ABCF1: variants seen among roughly 807,000 people sequenced by gnomAD.
ABCF1 encodes the protein ATP binding cassette subfamily F member 1.
Under a neutral mutation model 126.3 loss-of-function variants are expected in ABCF1, and 73 were observed. The ratio of observed to expected loss-of-function variants is 0.58; its 90% CI spans 0.48 to 0.70. The LOEUF is 0.70. Ranked by LOEUF, ABCF1 falls within the 30% of genes least tolerant of loss-of-function variation. ABCF1 has a pLI of 0.00. For missense variants in ABCF1, 786 were observed against 1,057.5 expected, an observed-to-expected ratio of 0.74 and a Z score of 3.56; for synonymous variants, 345 against 396.4, an observed-to-expected ratio of 0.87 and a Z score of 1.54.
In ABCF1 at chr6:30,577,612, G is replaced by T. The variant is rs150430055; in HGVS notation, c.120+157G>T. ...GGTGGCTTACACCTGTAATCCCAGC[G>T]CTTAGGGAGGCAGAGGTGGGAGGAT... is the stretch of plus-strand genomic sequence containing the variant. On this transcript the variant is annotated intron_variant, in intron 2 of 24. Transcript: ENST00000326195. 2.0e-3 allele frequency among the ~76,000 whole-genome samples: 300 copies of T among 152,100 alleles called. No individual in the cohort carries two copies. Among genetic ancestry groups the T allele is most frequent in the African/African-American group, 6.5e-3 (271 of 41,494 alleles).
In ABCF1 at chr6:30,590,794, C is replaced by T; in HGVS notation, c.*93C>T. ...TCCTCTGAAGACTGCCTCTGGCCTG[C>T]AGCTGACCTGGCAACCATTCAGGCA... is the stretch of plus-strand genomic sequence containing the variant. On this transcript the variant is annotated 3_prime_UTR_variant, in exon 25 of 25. Transcript: ENST00000326195. 7.1e-7 allele frequency: 1 copy of T among 1,414,448 alleles called. No homozygotes were observed. The highest frequency in any genetic ancestry group is 9.5e-7 in the Non-Finnish European group (1 of 1,048,836). 87.6% of individuals were successfully genotyped at this position (1,414,448 alleles called of 1,614,324 possible). A position where few individuals can be genotyped will look rare whatever the true frequency, so the allele number is the denominator to read the frequency against.
At position 30,586,703 on chromosome 6, in the gene ABCF1, C is replaced by A; in HGVS notation, c.2023C>A (p.Leu675Met). ...GCTACTCCTGCTGCTGACTGGCAAG[C>A]TGACACCGGTGAGTCCTGGAGCCAA... is the stretch of plus-strand genomic sequence containing the variant. Reference protein sequence around the residue: ...STLLLLLTGKLTPTHGEMRKN... With the variant: ...STLLLLLTGKMTPTHGEMRKN... The change falls in exon 20 of 25, where the codon CTG becomes ATG. Residue 675 changes from leucine to methionine, a missense_variant. Transcript: ENST00000326195. This position sits in a 1 kb window ranked among gnomAD's most constrained non-coding sequence, Gnocchi z 4.9. 6.2e-7 allele frequency: 1 copy of A among 1,613,842 alleles called. No individual in the cohort carries two copies. The highest frequency in any genetic ancestry group is 1.1e-5 in the South Asian group (1 of 91,078).
At chr6:30,575,095 A>T in intron 1 of ABCF1, among the ~76,000 whole-genome samples, 1 of 131,594 alleles carries the variant, frequency 7.6e-6, no homozygotes, top group African/African-American at 3.3e-5. Flanking sequence ...TTTTTGAGAC[A>T]GTCTCGCTGT....
rs1801722156 is a variant in ABCF1 at position 30,579,976 on chromosome 6, A to C, written c.535A>C (p.Lys179Gln). ...QQPALKGKKG[K>Q]EEKSKGKAKP... ...GCCTGCACTCAAGGGCAAAAAGGGA[A>C]AGGAAGAGAAGTCAAAAGGGAAGGC... The change falls in exon 7 of 25, where the codon AAG becomes CAG. Residue 179 changes from lysine (K) to glutamine (Q), a missense_variant. Physicochemically the swap from Lys to Gln is moderately conservative, Grantham distance 53. Around this residue, in one of 4 missense-constraint regions of ABCF1, gnomAD observed 322 missense variants for 322.9 expected, o/e 1.00. Transcript: ENST00000326195. 1 of 1,612,662 alleles carries C rather than the reference A, an allele frequency of 6.2e-7. No individual in the cohort carries two copies. The highest frequency in any genetic ancestry group is 1.7e-5 in the Admixed American group (1 of 59,966).
intron 14 of ABCF1, 134 bp from the exon 15 acceptor site, chr6:30,585,126 G>C: frequency 2.5e-6 from 2 of 811,722 alleles, no homozygotes; most frequent in Non-Finnish European, 4.2e-6. Flanking sequence ...ACCGTATCCT[G>C]CCCGAGAACT....
Position 30,583,880 on chromosome 6 carries a change from G to C in ABCF1, c.1092G>C (p.Leu364=). 1.2e-6 allele frequency: 2 copies of C among 1,613,940 alleles called. No homozygotes were observed. Among genetic ancestry groups the C allele is most frequent in the Non-Finnish European group, 1.7e-6 (2 of 1,179,960 alleles). Residue 364 remains leucine, a synonymous_variant, in exon 12 of 25, where the codon CTG becomes CTC. Transcript: ENST00000326195. This position sits in a 1 kb window ranked among gnomAD's most constrained non-coding sequence, Gnocchi z 4.1. The part of the protein sequence containing the change: ...LSIPPNIDVL[L]CEQEVVADET... ...TCCCTCCCAACATTGATGTGTTGCTGTGTGAGCAGGGTGAGACCACTGGGG... is the reference window on the plus strand; with the variant it reads ...TCCCTCCCAACATTGATGTGTTGCTCTGTGAGCAGGGTGAGACCACTGGGG...
Position 30,584,054 on chromosome 6 carries a change from G to T in ABCF1, c.1103-138G>T. On this transcript the variant is annotated intron_variant, in intron 12 of 24. Coordinates refer to ENST00000326195, the MANE Select transcript of ABCF1 (RefSeq NM_001025091.2). This position sits in a 1 kb window ranked among gnomAD's most constrained non-coding sequence, Gnocchi z 4.6. ...AAGGAAAGGAGGGGAGGGTCAATGA[G>T]GAACTTGAGAGTGTTTTATTTGGAA... 1 of 1,415,132 alleles carries T rather than the reference G, an allele frequency of 7.1e-7. No homozygotes were observed. The highest frequency in any genetic ancestry group is 9.6e-7 in the Non-Finnish European group (1 of 1,042,834). The allele number at this position is 1,415,132 out of a possible 1,614,324, so 87.7% of individuals were successfully genotyped here. A position where few individuals can be genotyped will look rare whatever the true frequency, so the allele number is the denominator to read the frequency against.
intron 20 of ABCF1, among the ~76,000 whole-genome samples, chr6:30,588,253 A>C (rs1008808908): frequency 3.3e-5 from 5 of 152,150 alleles, no homozygotes; most frequent in Non-Finnish European, 5.9e-5. Context: ...TTTTCTTTGC[A>C]AATGTGCATA....
Position 30,583,126 on chromosome 6 carries a change from T to G in ABCF1, c.853T>G (p.Ser285Ala). ...KAANAAENDFSVSQAEMSSRQ... is the reference protein window; with the variant it reads ...KAANAAENDFAVSQAEMSSRQ... ...AGCCAATGCAGCTGAAAATGACTTC[T>G]CCGTGTCCCAGGCGGAGATGTCCTC... Residue 285 changes from serine (S) to alanine (A), a missense_variant, in exon 10 of 25, where the codon TCC becomes GCC. This residue lies in a region of ABCF1 where 163 missense variants were observed against 255.3 expected (regional missense o/e 0.64). Transcript: ENST00000326195. The surrounding 1 kb of genome is among the most constrained non-coding windows in gnomAD (Gnocchi z 4.1). The G allele has an allele frequency of 6.2e-7, 1 of 1,611,662 alleles. No homozygotes were observed. Among genetic ancestry groups the G allele is most frequent in the Non-Finnish European group, 8.5e-7 (1 of 1,178,850 alleles).
Position 30,583,726 on chromosome 6 carries a change from C to T in ABCF1, c.1016+18C>T. On this transcript the variant is annotated intron_variant, in intron 11 of 24. Coordinates refer to ENST00000326195, the MANE Select transcript of ABCF1 (RefSeq NM_001025091.2). The surrounding 1 kb of genome is among the most constrained non-coding windows in gnomAD (Gnocchi z 4.1). ...CCCAATGGGTGAGAAGAGGAGGGAG[C>T]TGGAGGCAAAAAAGGGCCTGGAGGG... 6.2e-7 allele frequency: 1 copy of T among 1,613,490 alleles called. No individual in the cohort carries two copies. The highest frequency in any genetic ancestry group is 8.5e-7 in the Non-Finnish European group (1 of 1,179,668).
chr6:30,584,067 G>A lies in ABCF1; in HGVS notation c.1103-125G>A. On this transcript the variant is annotated intron_variant, in intron 12 of 24. Coordinates refer to ENST00000326195, the MANE Select transcript of ABCF1 (RefSeq NM_001025091.2). This position sits in a 1 kb window ranked among gnomAD's most constrained non-coding sequence, Gnocchi z 4.6. ...GAGGGTCAATGAGGAACTTGAGAGT[G>A]TTTTATTTGGAACAAGTACAAAGAG... The A allele has an allele frequency of 6.9e-7, 1 of 1,446,192 alleles. No individual in the cohort carries two copies. Among genetic ancestry groups the A allele is most frequent in the South Asian group, 1.3e-5 (1 of 75,818 alleles). The allele number at this position is 1,446,192 out of a possible 1,614,324, so 89.6% of individuals were successfully genotyped here. A position where few individuals can be genotyped will look rare whatever the true frequency, so the allele number is the denominator to read the frequency against.
In ABCF1 at chr6:30,583,597, G is replaced by A. The variant is rs775364286; in HGVS notation, c.916-11G>A. 6.2e-7 allele frequency: 1 copy of A among 1,613,828 alleles called. No homozygotes were observed. Among genetic ancestry groups the A allele is most frequent in the Non-Finnish European group, 8.5e-7 (1 of 1,179,730 alleles). ...CCCTTCCCTCTGCCACCTCTTTCCT[G>A]ATGGCTGCAGCTGGAGAAGTTCAGC... is the stretch of plus-strand genomic sequence containing the variant. On this transcript the variant is annotated splice_polypyrimidine_tract_variant and intron_variant, in intron 10 of 24. Transcript: ENST00000326195. The surrounding 1 kb of genome is among the most constrained non-coding windows in gnomAD (Gnocchi z 4.1).
At position 30,583,315 on chromosome 6, in the gene ABCF1, A is replaced by C; in HGVS notation, c.915+127A>C. ...GGAAGAAAGATTGGAGGCATTTTCCACACCTTAGGTTCTGCCAACTTGAGC... is the reference window on the plus strand; with the variant it reads ...GGAAGAAAGATTGGAGGCATTTTCCCCACCTTAGGTTCTGCCAACTTGAGC... On this transcript the variant is annotated intron_variant, in intron 10 of 24. Transcript: ENST00000326195. This position sits in a 1 kb window ranked among gnomAD's most constrained non-coding sequence, Gnocchi z 4.1. The C allele has an allele frequency of 4.5e-6, 6 of 1,338,132 alleles. No individual in the cohort carries two copies. The highest frequency in any genetic ancestry group is 6.1e-6 in the Non-Finnish European group (6 of 980,808). The allele number at this position is 1,338,132 out of a possible 1,614,324, so 82.9% of individuals were successfully genotyped here.
chr6:30,582,818 C>T (rs1801894174), intron 9 of ABCF1, among the ~76,000 whole-genome samples: 1 of 152,174 alleles, frequency 6.6e-6, no homozygotes, highest in Non-Finnish European at 1.5e-5. Context: ...CTCAGCCTCC[C>T]GAATAGCTGA....
intron 20 of ABCF1, among the ~76,000 whole-genome samples, chr6:30,587,139 G>C (rs1289123811): frequency 6.6e-6 from 1 of 151,950 alleles, no homozygotes; most frequent in Non-Finnish European, 1.5e-5. Context: ...CTATATCCTA[G>C]CTACTCAGGA....
chr6:30,580,666 CGTTTGT>C (rs1801771248), intron 8 of ABCF1, 147 bp downstream of exon 8: 9 of 532,344 alleles, frequency 1.7e-5, no homozygotes, highest in Non-Finnish European at 2.8e-5. Context: ...GGTGGTGGTT[CGTTTGT>C]TTTTGTTTTT....
Position 30,583,291 on chromosome 6 carries a change from G to A in ABCF1, c.915+103G>A, listed in dbSNP as rs1486111380. The A allele has an allele frequency of 2.3e-5, 34 of 1,455,994 alleles. No individual in the cohort carries two copies. Among genetic ancestry groups the A allele is most frequent in the Non-Finnish European group, 3.1e-5 (33 of 1,080,646 alleles). The allele number at this position is 1,455,994 out of a possible 1,614,324, so 90.2% of individuals were successfully genotyped here. Reference sequence around the variant, plus strand: ...GTGTGTGAATGGGTTAGTTCAGTGGGAAGAAAGATTGGAGGCATTTTCCAC... The same window carrying A: ...GTGTGTGAATGGGTTAGTTCAGTGGAAAGAAAGATTGGAGGCATTTTCCAC... On this transcript the variant is annotated intron_variant, in intron 10 of 24. Coordinates refer to ENST00000326195, the MANE Select transcript of ABCF1 (RefSeq NM_001025091.2). This position sits in a 1 kb window ranked among gnomAD's most constrained non-coding sequence, Gnocchi z 4.1.
In ABCF1 at chr6:30,584,121, T is replaced by G. The variant is rs2127413402; in HGVS notation, c.1103-71T>G. ...GGCAGGGTCAGGCAAAACAGAAATG[T>G]AATTGAAGGGAAAGAAAGATGAGAC... On this transcript the variant is annotated intron_variant, in intron 12 of 24. Coordinates refer to ENST00000326195, the MANE Select transcript of ABCF1 (RefSeq NM_001025091.2). The surrounding 1 kb of genome is among the most constrained non-coding windows in gnomAD (Gnocchi z 4.6). The G allele has an allele frequency of 6.4e-7, 1 of 1,556,356 alleles. No homozygotes were observed. The highest frequency in any genetic ancestry group is 2.2e-5 in the East Asian group (1 of 44,472).
chr6:30,580,537 G>T lies in ABCF1; in HGVS notation c.678+18G>T. The T allele has an allele frequency of 6.9e-7, 1 of 1,443,586 alleles. No homozygotes were observed. Among genetic ancestry groups the T allele is most frequent in the East Asian group, 2.7e-5 (1 of 36,480 alleles). The allele number at this position is 1,443,586 out of a possible 1,614,324, so 89.4% of individuals were successfully genotyped here. On this transcript the variant is annotated intron_variant, in intron 8 of 24. Coordinates refer to ENST00000326195, the MANE Select transcript of ABCF1 (RefSeq NM_001025091.2). ...CAGAGCAGGTGTGTATTTGGTGTTG[G>T]GGCAAGGTGGAATGAGGGACTAGGG...
Sources: allele counts gnomAD v4.1 joint callset (sites outside exome capture counted in the v4.1 genomes callset), GRCh38; gene constraint gnomAD v4.1.1; regional missense constraint gnomAD v4.1.1; non-coding constraint Gnocchi (gnomAD v3.1); transcripts MANE v1.5; gene names NCBI Gene and HGNC (gene_info 2026-07-23, HGNC 2026-07-21).